Variants in USP48 observed in about 807,000 individuals in gnomAD.
The protein encoded by USP48 is ubiquitin carboxyl-terminal hydrolase 48.
A neutral mutation model predicts 150.7 loss-of-function variants in USP48; 43 were observed. That is an observed-to-expected ratio of 0.29 (90% confidence interval 0.22 to 0.37). The LOEUF is 0.37. Ranked by LOEUF, USP48 falls within the 10% of genes least tolerant of loss-of-function variation. USP48 has a pLI of 1.00. For synonymous variants in USP48, 396 were observed against 425.9 expected (o/e 0.93, Z 0.86); for missense variants, 813 against 1,249.6 (o/e 0.65, Z 5.27).
intron 1 of USP48, among the ~76,000 whole-genome samples, chr1:21,778,335 C>T (rs183263571): frequency 2.2e-4 from 33 of 152,130 alleles, no homozygotes; most frequent in African/African-American, 7.7e-4. Flanking sequence ...ACATAAGACA[C>T]CACTTCGCAC....
At chr1:21,738,126 C>T (rs909442225) in intron 8 of USP48, among the ~76,000 whole-genome samples, 26 of 152,096 alleles carry the variant, frequency 1.7e-4, no homozygotes, top group Admixed American at 4.6e-4. Flanking sequence ...GGCGTGATCT[C>T]GGCTCACTGC....
intron 1 of USP48, among the ~76,000 whole-genome samples, chr1:21,771,918 CAA>C (rs35718532): frequency 4.8e-5 from 6 of 125,956 alleles, no homozygotes; most frequent in Non-Finnish European, 5.1e-5. Flanking sequence ...AACTCCATCT[CAA>C]AAAAAAAAAA....
intron 1 of USP48, among the ~76,000 whole-genome samples, chr1:21,776,616 A>AAG (rs1165692200): frequency 2.0e-5 from 3 of 149,494 alleles, no homozygotes; most frequent in East Asian, 1.9e-4. Context: ...AAAAAAAAAA[A>AAG]AAGAAGAAAG....
chr1:21,688,048 A>G (rs1314367664), intron 24 of USP48, among the ~76,000 whole-genome samples: 1 of 152,118 alleles, frequency 6.6e-6, no homozygotes, highest in Non-Finnish European at 1.5e-5. Flanking sequence ...AAAAGCATAC[A>G]TTTCACAGTT....
At chr1:21,721,788 G>A in intron 12 of USP48, 24 bp from the exon 13 acceptor site, 2 of 1,450,134 alleles carry the variant, frequency 1.4e-6, no homozygotes, top group Non-Finnish European at 1.9e-6. Context: ...AGAATGAAAG[G>A]AAATATATTT....
intron 8 of USP48, among the ~76,000 whole-genome samples, chr1:21,744,192 C>T (rs1016191819): frequency 6.6e-6 from 1 of 152,106 alleles, no homozygotes; most frequent in Non-Finnish European, 1.5e-5. Context: ...ACCTGTAATC[C>T]CACCACTTTG....
intron 1 of USP48, among the ~76,000 whole-genome samples, chr1:21,775,552 GCCC>G (rs2097895906): frequency 6.6e-6 from 1 of 152,220 alleles, no homozygotes; most frequent in Non-Finnish European, 1.5e-5. Context: ...ACCGTGCGTG[GCCC>G]TCATTAGGGT....
In USP48 at chr1:21,714,633, C is replaced by T. The variant is rs183552888; in HGVS notation, c.1963+756G>A. Reference sequence around the variant, plus strand: ...CTTTGAGAAACAGACACCTGCTTGACTTTCACGGTGCTATTAGAATAGAAA... The same window carrying T: ...CTTTGAGAAACAGACACCTGCTTGATTTTCACGGTGCTATTAGAATAGAAA... On this transcript the variant is annotated intron_variant, in intron 15 of 26. Coordinates refer to ENST00000308271, the MANE Select transcript of USP48 (RefSeq NM_032236.8). Among the ~76,000 whole-genome samples, 11 of 152,294 alleles carry T rather than the reference C, an allele frequency of 7.2e-5. No individual in the cohort carries two copies. In the East Asian group the frequency reaches 1.7e-3, roughly 24 times the overall value.
rs200559387 is a variant in USP48 at position 21,721,029 on chromosome 1, G to A, written c.1894+7C>T. On this transcript the variant is annotated splice_region_variant and intron_variant, in intron 14 of 26. Transcript: ENST00000308271. ...ACAATGATCTACACATAGGTTTAAAGTGTTACCTTTATTTAAGGTGCTACC... is the reference window on the plus strand; with the variant it reads ...ACAATGATCTACACATAGGTTTAAAATGTTACCTTTATTTAAGGTGCTACC... The A allele has an allele frequency of 3.2e-3, 5,227 of 1,614,088 alleles. 9 individuals are homozygous for A. The highest frequency in any genetic ancestry group is 3.9e-3 in the Non-Finnish European group (4,592 of 1,179,968).
At chr1:21,716,598 A>C (rs565901561) in intron 14 of USP48, among the ~76,000 whole-genome samples, 8 of 152,366 alleles carry the variant, frequency 5.3e-5, no homozygotes, top group African/African-American at 1.9e-4. Flanking sequence ...CTATATAATA[A>C]AAACTTTGCT....
chr1:21,689,011 C>T (rs1238442549), intron 24 of USP48, among the ~76,000 whole-genome samples: 1 of 151,686 alleles, frequency 6.6e-6, no homozygotes, highest in African/African-American at 2.4e-5. Context: ...TCCTTTTGAA[C>T]CAAAAGGAAA....
chr1:21,720,626 C>CA (rs2097717866), intron 14 of USP48, among the ~76,000 whole-genome samples: 1 of 151,724 alleles, frequency 6.6e-6, no homozygotes, highest in Admixed American at 6.6e-5. Flanking sequence ...CTCCTGGGTT[C>CA]AATCGATTCT....
intron 20 of USP48, 133 bp from the exon 21 acceptor site, chr1:21,703,751 A>G: frequency 1.3e-6 from 1 of 745,754 alleles, no homozygotes. Flanking sequence ...TCTTTTTTTG[A>G]GACAAGGTTT....
At chr1:21,679,495 T>A (rs2097559527) in intron 26 of USP48, 56 bp from the exon 27 acceptor site, 1 of 1,600,592 alleles carries the variant, frequency 6.2e-7, no homozygotes, top group Admixed American at 1.7e-5. Flanking sequence ...TAAAAGTTCA[T>A]GGATTCCATT....
At chr1:21,711,396 C>T (rs1400196314) in intron 15 of USP48, among the ~76,000 whole-genome samples, 1 of 152,058 alleles carries the variant, frequency 6.6e-6, no homozygotes, top group Non-Finnish European at 1.5e-5. Flanking sequence ...ATCACTGCCC[C>T]CTCTAGCCAC....
chr1:21,740,359 G>A (rs1387919968), intron 8 of USP48, among the ~76,000 whole-genome samples: 1 of 152,152 alleles, frequency 6.6e-6, no homozygotes, highest in Non-Finnish European at 1.5e-5. Flanking sequence ...TTTGAAACTA[G>A]AATTCTTTGG....
intron 11 of USP48, 31 bp downstream of exon 11, chr1:21,728,539 C>T (rs757508687): frequency 5.6e-5 from 90 of 1,598,010 alleles, no homozygotes; most frequent in Non-Finnish European, 7.6e-5. Flanking sequence ...CACTTAATGG[C>T]AACAGTGCTG....
At chr1:21,739,646 G>A (rs1485966214) in intron 8 of USP48, among the ~76,000 whole-genome samples, 2 of 151,676 alleles carry the variant, frequency 1.3e-5, no homozygotes, top group Non-Finnish European at 2.9e-5. Context: ...TTTCTGTGGT[G>A]AGAACACTTA....
rs1177489923 is a variant in USP48, at chr1:21,736,531, C to T, written c.1086G>A (p.Gln362=). ...CATTAAACTTATACCATTCACCAGA[C>T]TGTGGATCTTTCACGTGGGCGATGT... is the stretch of plus-strand genomic sequence containing the variant. ...GHYIAHVKDP[Q]SGEWYKFNDE... Residue 362 remains glutamine, a synonymous_variant, in exon 9 of 27, where the codon CAG becomes CAA. Transcript: ENST00000308271. The T allele has an allele frequency of 1.2e-6, 2 of 1,600,604 alleles. No individual in the cohort carries two copies. Among genetic ancestry groups the T allele is most frequent in the Admixed American group, 1.8e-5 (1 of 56,864 alleles).
Sources: gnomAD v4.1 joint callset for allele counts (sites outside exome capture counted in the v4.1 genomes callset) on GRCh38, gnomAD v4.1.1 for gene constraint, MANE v1.5 for transcripts, NCBI Gene and HGNC (gene_info 2026-07-23, HGNC 2026-07-21) for gene names.